The following ELOVL6 variants were observed in gnomAD, a reference collection of about 807,000 sequenced individuals.
The protein encoded by ELOVL6 is very long chain fatty acid elongase 6.
In ELOVL6, 8 loss-of-function variants were observed where a neutral mutation model predicts 31.7. That is an observed-to-expected ratio of 0.25 (90% CI 0.15 to 0.45). ELOVL6 has a LOEUF of 0.45. Among genes scored for constraint, ELOVL6 ranks in the 20% least tolerant of loss-of-function variants. The pLI is 1.00. For missense variants in ELOVL6, 126 were observed against 326.4 expected, an observed-to-expected ratio of 0.39 and a Z score of 4.73; for synonymous variants, 101 against 117.7, an observed-to-expected ratio of 0.86 and a Z score of 0.92.
At chr4:110,175,786 G>A (rs1759084985) in intron 1 of ELOVL6, among the ~76,000 whole-genome samples, 2 of 152,140 alleles carry the variant, frequency 1.3e-5, no homozygotes, top group Non-Finnish European at 2.9e-5. Context: ...AGCAAATAAA[G>A]TCTAAGTCAT....
chr4:110,105,360 G>T, intron 2 of ELOVL6, 137 bp downstream of exon 2: 2 of 926,278 alleles, frequency 2.2e-6, no homozygotes, highest in Non-Finnish European at 3.2e-6. Context: ...CTTTCTTTCT[G>T]AACATGACTT....
At chr4:110,195,248 G>A (rs532414375) in intron 1 of ELOVL6, among the ~76,000 whole-genome samples, 1 of 152,220 alleles carries the variant, frequency 6.6e-6, no homozygotes, top group South Asian at 2.1e-4. Flanking sequence ...CTCCCGAGTA[G>A]CTGGGATTAC....
chr4:110,136,619 A>AT (rs933142916), intron 1 of ELOVL6, among the ~76,000 whole-genome samples: 2 of 152,176 alleles, frequency 1.3e-5, no homozygotes, highest in Non-Finnish European at 2.9e-5. Context: ...GCTGCCCCTG[A>AT]TTATACCAGC....
chr4:110,075,623 G>A (rs1265580224), intron 2 of ELOVL6, among the ~76,000 whole-genome samples: 1 of 152,150 alleles, frequency 6.6e-6, no homozygotes, highest in Non-Finnish European at 1.5e-5. Flanking sequence ...GAAATGAGGA[G>A]TTTTCACTTA....
rs1758605477 is a variant in ELOVL6 at position 110,160,631 on chromosome 4, T to A, written c.89+37616A>T. 3.3e-5 allele frequency among the ~76,000 whole-genome samples: 5 copies of A among 152,234 alleles called. No individual in the cohort carries two copies. The South Asian group carries it at 8.3e-4, about 25-fold the overall frequency. ...ACTGAAATTATCCTCTCTAGGCTAT[T>A]GTAACAATTAAATACTAAAAATATG... On this transcript the variant is annotated intron_variant, in intron 1 of 3. Transcript: ENST00000302274.
chr4:110,181,908 G>A (rs1331168923), intron 1 of ELOVL6, among the ~76,000 whole-genome samples: 3 of 152,184 alleles, frequency 2.0e-5, no homozygotes, highest in Non-Finnish European at 4.4e-5. Flanking sequence ...GTTTCAGAGA[G>A]TATCAAAATC....
intron 1 of ELOVL6, among the ~76,000 whole-genome samples, chr4:110,117,240 C>T (rs533535583): frequency 6.6e-6 from 1 of 152,072 alleles, no homozygotes; most frequent in Non-Finnish European, 1.5e-5. Context: ...GCCAATAGTG[C>T]TAAGGTTGAG....
chr4:110,110,401 ATTTTTTTT>A (rs397878146), intron 1 of ELOVL6, among the ~76,000 whole-genome samples: 6 of 109,778 alleles, frequency 5.5e-5, no homozygotes, highest in Admixed American at 1.0e-4. Context: ...TTTTCCGCAG[ATTTTTTTT>A]TTTTTTTTTT....
intron 2 of ELOVL6, among the ~76,000 whole-genome samples, chr4:110,090,596 C>CTTCCT (rs1206850406): frequency 7.4e-4 from 61 of 82,570 alleles, no homozygotes; most frequent in African/African-American, 3.9e-3. Context: ...GAAAGTTTGA[C>CTTCCT]TTTCTTTTTT....
chr4:110,127,959 G>A (rs927287699), intron 1 of ELOVL6, among the ~76,000 whole-genome samples: 1 of 151,840 alleles, frequency 6.6e-6, no homozygotes, highest in Non-Finnish European at 1.5e-5. Flanking sequence ...TGTAATCCCA[G>A]CACTTTGGGA....
chr4:110,117,750 C>T (rs139360128), intron 1 of ELOVL6: 2,827 of 146,588 alleles, frequency 0.019, 48 homozygotes, highest in Non-Finnish European at 0.034. Context: ...GGCGTGGTGG[C>T]GGGCGCCTGT....
At chr4:110,165,341 G>C (rs943668280) in intron 1 of ELOVL6, among the ~76,000 whole-genome samples, 3 of 152,102 alleles carry the variant, frequency 2.0e-5, no homozygotes, top group Non-Finnish European at 2.9e-5. Context: ...TGATTTTGTG[G>C]TTCCTTCCTG....
chr4:110,094,429 ATATATATATATATAAT>A (rs1374334127), intron 2 of ELOVL6, among the ~76,000 whole-genome samples: 964 of 59,876 alleles, frequency 0.016, 55 homozygotes, highest in African/African-American at 0.059. Context: ...ATATATATAT[ATATATATATATATAAT>A]ATATATAACA....
chr4:110,082,569 G>T (rs1187205904), intron 2 of ELOVL6, among the ~76,000 whole-genome samples: 1 of 151,792 alleles, frequency 6.6e-6, no homozygotes, highest in Non-Finnish European at 1.5e-5. Context: ...ACAGGAAGGG[G>T]AACATCACAC....
intron 1 of ELOVL6, among the ~76,000 whole-genome samples, chr4:110,184,544 G>T (rs1315478490): frequency 1.3e-5 from 2 of 152,160 alleles, no homozygotes; most frequent in African/African-American, 4.8e-5. Context: ...GGAAACCACT[G>T]AAGGTTTTTA....
At chr4:110,130,041 T>C (rs1367885930) in intron 1 of ELOVL6, among the ~76,000 whole-genome samples, 1 of 151,530 alleles carries the variant, frequency 6.6e-6, no homozygotes, top group Non-Finnish European at 1.5e-5. Flanking sequence ...GGGTCTACAG[T>C]CATGCGCCAC....
At chr4:110,132,029 T>G (rs1226913069) in intron 1 of ELOVL6, among the ~76,000 whole-genome samples, 2 of 152,096 alleles carry the variant, frequency 1.3e-5, no homozygotes, top group Non-Finnish European at 2.9e-5. Context: ...TGGGGTGGGG[T>G]GCAGGTTGAA....
chr4:110,058,180 C>T (rs1367404500), intron 3 of ELOVL6, among the ~76,000 whole-genome samples: 2 of 152,120 alleles, frequency 1.3e-5, no homozygotes, highest in Non-Finnish European at 2.9e-5. Context: ...TCAGCCAGTG[C>T]TTAACATAAA....
At position 110,162,501 on chromosome 4, in the gene ELOVL6, T is replaced by C. The variant is rs183518630; in HGVS notation, c.89+35746A>G. ...TGTTGAGACTACAGGCACATGCCAC[T>C]ATGCCTAATTTTTTTTCTATTTTTT... On this transcript the variant is annotated intron_variant, in intron 1 of 3. Transcript: ENST00000302274. 4.1e-3 allele frequency among the ~76,000 whole-genome samples: 625 copies of C among 152,226 alleles called. 4 individuals carry two copies. The highest frequency in any genetic ancestry group is 0.014 in the African/African-American group (591 of 41,560).
Sources: allele counts gnomAD v4.1 joint callset (sites outside exome capture counted in the v4.1 genomes callset), GRCh38; gene constraint gnomAD v4.1.1; transcripts MANE v1.5; gene names NCBI Gene and HGNC (gene_info 2026-07-23, HGNC 2026-07-21).